Variants in ZBBX observed in about 807,000 individuals in gnomAD.
ZBBX encodes zinc finger B-box domain-containing protein 1.
Under a neutral mutation model 108.5 loss-of-function variants are expected in ZBBX, and 101 were observed. The observed-to-expected ratio is 0.93, with a 90% CI of 0.79 to 1.10. The LOEUF is 1.10. Among genes scored for constraint, ZBBX ranks in the 50% least tolerant of loss-of-function variants. The pLI is 0.00. For missense variants in ZBBX, 1,009 were observed against 941.4 expected, an observed-to-expected ratio of 1.07 and a Z score of -0.94; for synonymous variants, 356 against 323.4, an observed-to-expected ratio of 1.10 and a Z score of -1.08.
At chr3:167,211,019 C>A in the ZBBX span, among the ~76,000 whole-genome samples, 1 of 152,068 alleles carries the variant, frequency 6.6e-6, no homozygotes, top group African/African-American at 2.4e-5. Flanking sequence ...GTGTGTGATT[C>A]TCACAGAAAG....
chr3:167,182,011 A>C, the ZBBX span, among the ~76,000 whole-genome samples: 3 of 152,164 alleles, frequency 2.0e-5, no homozygotes, highest in African/African-American at 7.2e-5. Context: ...TCCCATCTTT[A>C]TTAAACTTAG....
At chr3:167,182,209 C>T in the ZBBX span, among the ~76,000 whole-genome samples, 1 of 152,262 alleles carries the variant, frequency 6.6e-6, no homozygotes, top group Admixed American at 6.5e-5. Context: ...TACCCACTTT[C>T]AGTCCTGCTA....
chr3:167,332,023 A>G (rs2108391821), intron 10 of ZBBX, among the ~76,000 whole-genome samples: 1 of 152,286 alleles, frequency 6.6e-6, no homozygotes, highest in South Asian at 2.1e-4. Flanking sequence ...CCATTAAATT[A>G]AAAATAAGAC....
At chr3:167,190,113 T>C in the ZBBX span, among the ~76,000 whole-genome samples, 35 of 152,312 alleles carry the variant, frequency 2.3e-4, no homozygotes, top group Non-Finnish European at 4.0e-4. Flanking sequence ...AATTACATCC[T>C]TTTTCATAAA....
chr3:167,189,900 A>C, the ZBBX span, among the ~76,000 whole-genome samples: 2 of 152,212 alleles, frequency 1.3e-5, no homozygotes, highest in African/African-American at 2.4e-5. Flanking sequence ...CAGCAGACAG[A>C]CAATTTGAAC....
At chr3:167,367,035 T>C in intron 5 of ZBBX, 1 of 373,652 alleles carries the variant, frequency 2.7e-6, no homozygotes, top group South Asian at 2.1e-5. Context: ...AGATAAATAC[T>C]ACTGAAAGTA....
At chr3:167,234,394 C>T in the ZBBX span, among the ~76,000 whole-genome samples, 1 of 151,686 alleles carries the variant, frequency 6.6e-6, no homozygotes, top group Non-Finnish European at 1.5e-5. Context: ...GGCCTTAGCC[C>T]AAAGACTGAA....
downstream of ZBBX, among the ~76,000 whole-genome samples, chr3:167,238,976 ATATATC>A (rs1254201028): frequency 1.3e-5 from 2 of 152,114 alleles, no homozygotes; most frequent in Non-Finnish European, 2.9e-5. Context: ...ATCTATATCT[ATATATC>A]TATATCTATC....
chr3:167,301,013 T>G (rs1191083582), intron 17 of ZBBX, among the ~76,000 whole-genome samples: 2 of 151,918 alleles, frequency 1.3e-5, no homozygotes, highest in African/African-American at 4.8e-5. Flanking sequence ...TACAGATTAT[T>G]TCATCACCTA....
intron 1 of ZBBX, among the ~76,000 whole-genome samples, chr3:167,404,343 G>A (rs1385754412): frequency 6.6e-6 from 1 of 152,132 alleles, no homozygotes; most frequent in Non-Finnish European, 1.5e-5. Flanking sequence ...ATTTCTGCAA[G>A]TAGAAATAGA....
intron 10 of ZBBX, chr3:167,331,687 A>G (rs745509547): frequency 4.4e-6 from 4 of 911,202 alleles, no homozygotes; most frequent in Non-Finnish European, 5.2e-6. Flanking sequence ...ACCTTGCCCA[A>G]TGCTAAAAGA....
At chr3:167,208,570 G>C in the ZBBX span, among the ~76,000 whole-genome samples, 1 of 152,184 alleles carries the variant, frequency 6.6e-6, no homozygotes. Context: ...TGGGATAGAA[G>C]TGAATCCATA....
Position 167,313,572 on chromosome 3 carries a change from G to A in ZBBX, c.1417+402C>T, listed in dbSNP as rs183820890. 1.4e-4 allele frequency among the ~76,000 whole-genome samples: 22 copies of A among 152,104 alleles called. 2 individuals carry two copies. The highest frequency in any genetic ancestry group is 3.9e-4 in the African/African-American group (16 of 41,502). On this transcript the variant is annotated intron_variant, in intron 16 of 21. Transcript: ENST00000675490. The stretch of plus-strand genomic sequence containing the variant: ...GCTGGGATTACAAGCTTGAGCCACC[G>A]AGCCCGGCCAGTGATTTGTTTTATT...
chr3:167,243,404 C>CT (rs199935428), intron 20 of ZBBX, among the ~76,000 whole-genome samples: 209 of 144,154 alleles, frequency 1.4e-3, no homozygotes, highest in East Asian at 0.013. Flanking sequence ...CTATTCTTCC[C>CT]TTTTTTTTTT....
chr3:167,328,260 T>A, intron 10 of ZBBX, 144 bp from the exon 11 acceptor site: 1 of 826,608 alleles, frequency 1.2e-6, no homozygotes, highest in Non-Finnish European at 1.8e-6. Context: ...AAACTTAGAA[T>A]ATTTTTAAGT....
chr3:167,221,361 T>C, the ZBBX span, among the ~76,000 whole-genome samples: 1 of 151,734 alleles, frequency 6.6e-6, no homozygotes, highest in Non-Finnish European at 1.5e-5. Context: ...GAAACAAATC[T>C]GTACATCTAG....
chr3:167,209,537 AG>A, the ZBBX span, among the ~76,000 whole-genome samples: 1 of 152,228 alleles, frequency 6.6e-6, no homozygotes, highest in Non-Finnish European at 1.5e-5. Context: ...ATGCAGATAT[AG>A]TTGCAATGAC....
At chr3:167,316,330 G>C (rs530415408) in intron 14 of ZBBX, among the ~76,000 whole-genome samples, 11 of 152,242 alleles carry the variant, frequency 7.2e-5, no homozygotes, top group Non-Finnish European at 1.3e-4. Context: ...GTATTTAAAA[G>C]AGGTAAGTTC....
rs572308997 is a variant in ZBBX at position 167,282,844 on chromosome 3, G to A, written c.1997-349C>T. 2.3e-4 allele frequency among the ~76,000 whole-genome samples: 35 copies of A among 152,138 alleles called. No individual in the cohort carries two copies. In the South Asian group the frequency reaches 5.8e-3, roughly 25 times the overall value. On this transcript the variant is annotated intron_variant, in intron 19 of 21. Coordinates refer to ENST00000675490, the MANE Select transcript of ZBBX (RefSeq NM_001199201.2). ...AACGTATTCCAAAGCCAAGCACCAC[G>A]ACATGTGTCTTAAATTCCAGGACAA...
Sources: gnomAD v4.1 joint callset for allele counts (sites outside exome capture counted in the v4.1 genomes callset) on GRCh38, gnomAD v4.1.1 for gene constraint, MANE v1.5 for transcripts, NCBI Gene and HGNC (gene_info 2026-07-23, HGNC 2026-07-21) for gene names.